The following NLGN1 variants were observed in gnomAD, a reference collection of about 807,000 sequenced individuals.
The protein encoded by NLGN1 is neuroligin 1.
In NLGN1, 12 loss-of-function variants were observed where a neutral mutation model predicts 65.5. The ratio of observed to expected loss-of-function variants is 0.18; its 90% confidence interval spans 0.12 to 0.30. NLGN1 has a LOEUF of 0.30. NLGN1 is among the 10% of genes least tolerant of loss of function. The probability of loss-of-function intolerance (pLI) is 1.00; values close to 1 mark genes in which losing one functional copy is unlikely to be tolerated. For synonymous variants in NLGN1, 350 were observed against 359.5 expected (o/e 0.97, Z 0.30); for missense variants, 750 against 1,007.1 (o/e 0.74, Z 3.46).
chr3:174,272,607 C>T (rs1749611099), intron 4 of NLGN1, among the ~76,000 whole-genome samples: 2 of 150,908 alleles, frequency 1.3e-5, no homozygotes, highest in African/African-American at 4.9e-5. Flanking sequence ...GCGTCGTCCT[C>T]TAAATTCACT....
At chr3:174,040,211 A>T (rs1731978662) in intron 4 of NLGN1, among the ~76,000 whole-genome samples, 1 of 152,016 alleles carries the variant, frequency 6.6e-6, no homozygotes, top group Non-Finnish European at 1.5e-5. Flanking sequence ...GGGGCTAAAG[A>T]AGGCTAAATG....
intron 4 of NLGN1, among the ~76,000 whole-genome samples, chr3:174,083,920 C>T (rs575542308): frequency 3.3e-5 from 5 of 152,180 alleles, no homozygotes; most frequent in South Asian, 2.1e-4. Context: ...AACAAAACCA[C>T]GACCACAACA....
At chr3:173,399,669 T>C (rs1717292356) in intron 1 of NLGN1, 1 of 152,214 alleles carries the variant, frequency 6.6e-6, no homozygotes, top group African/African-American at 2.4e-5. Context: ...CTGAAATTCT[T>C]ATATTTTATT....
At position 174,260,779 on chromosome 3, in the gene NLGN1, T is replaced by C. The variant is rs377388167; in HGVS notation, c.647-14536T>C. ...TTGCCCATGCTTATGTCCTGAATGG[T>C]AATGCCTAGGTTTTCTTCTAGGGTT... On this transcript the variant is annotated intron_variant, in intron 4 of 6. Coordinates refer to ENST00000457714, the Ensembl canonical transcript of NLGN1. 1.3e-4 allele frequency among the ~76,000 whole-genome samples: 20 copies of C among 151,078 alleles called. No homozygotes were observed. The East Asian group carries it at 3.8e-3, about 28-fold the overall frequency.
At chr3:173,876,002 A>G (rs1368982832) in intron 4 of NLGN1, among the ~76,000 whole-genome samples, 1 of 152,212 alleles carries the variant, frequency 6.6e-6, no homozygotes, top group Non-Finnish European at 1.5e-5. Context: ...GCCTCTCAAA[A>G]AAAAATCCCT....
chr3:174,110,434 G>A (rs1039725316), intron 4 of NLGN1, among the ~76,000 whole-genome samples: 11 of 151,894 alleles, frequency 7.2e-5, no homozygotes, highest in African/African-American at 2.2e-4. Flanking sequence ...GCCTGGATCC[G>A]ACATCCAGAA....
At chr3:173,500,513 C>G (rs1350803502) in intron 2 of NLGN1, among the ~76,000 whole-genome samples, 2 of 151,834 alleles carry the variant, frequency 1.3e-5, no homozygotes, top group Non-Finnish European at 2.9e-5. Flanking sequence ...CTAAAATTCT[C>G]TTTTTTTTGT....
At chr3:174,185,717 A>T (rs1731265203) in intron 4 of NLGN1, among the ~76,000 whole-genome samples, 1 of 152,076 alleles carries the variant, frequency 6.6e-6, no homozygotes, top group Non-Finnish European at 1.5e-5. Context: ...AAAGATAATT[A>T]TTGAAAGATG....
intron 2 of NLGN1, among the ~76,000 whole-genome samples, chr3:173,516,988 A>C (rs1405389029): frequency 6.6e-6 from 1 of 152,052 alleles, no homozygotes; most frequent in Non-Finnish European, 1.5e-5. Context: ...CTCTGTACTT[A>C]ATGTATTACC....
chr3:174,102,717 A>T (rs1404015504), intron 4 of NLGN1, among the ~76,000 whole-genome samples: 1 of 152,160 alleles, frequency 6.6e-6, no homozygotes, highest in Non-Finnish European at 1.5e-5. Flanking sequence ...TTGACAGCCC[A>T]TGAATTCTCT....
At chr3:174,157,364 T>C (rs1725631456) in intron 4 of NLGN1, among the ~76,000 whole-genome samples, 1 of 151,910 alleles carries the variant, frequency 6.6e-6, no homozygotes, top group Admixed American at 6.6e-5. Flanking sequence ...CAGTGTGGTA[T>C]ATTTTTATAT....
chr3:174,040,212 AG>A (rs1178862809), intron 4 of NLGN1, among the ~76,000 whole-genome samples: 1 of 152,058 alleles, frequency 6.6e-6, no homozygotes, highest in Non-Finnish European at 1.5e-5. Flanking sequence ...GGGCTAAAGA[AG>A]GCTAAATGCT....
intron 2 of NLGN1, among the ~76,000 whole-genome samples, chr3:173,582,609 A>G (rs749121088): frequency 1.3e-4 from 20 of 152,162 alleles, no homozygotes; most frequent in Non-Finnish European, 2.9e-4. Context: ...CTGTCAATCA[A>G]CTATTCATTT....
At chr3:173,562,032 G>A (rs556146261) in intron 2 of NLGN1, among the ~76,000 whole-genome samples, 1 of 152,210 alleles carries the variant, frequency 6.6e-6, no homozygotes, top group African/African-American at 2.4e-5. Flanking sequence ...GTTTTCGTTT[G>A]TTTGTTTTTT....
At chr3:173,828,614 T>C (rs1436353995) in intron 4 of NLGN1, among the ~76,000 whole-genome samples, 2 of 152,084 alleles carry the variant, frequency 1.3e-5, no homozygotes, top group Non-Finnish European at 2.9e-5. Context: ...TGTTTGATAG[T>C]GATAGATGCT....
At chr3:173,886,348 A>G (rs1009589432) in intron 4 of NLGN1, among the ~76,000 whole-genome samples, 1 of 152,120 alleles carries the variant, frequency 6.6e-6, no homozygotes, top group Non-Finnish European at 1.5e-5. Context: ...TTACTGTTAC[A>G]TGAACACTGC....
At chr3:173,942,052 T>C (rs1013872096) in intron 4 of NLGN1, among the ~76,000 whole-genome samples, 9 of 151,574 alleles carry the variant, frequency 5.9e-5, no homozygotes, top group African/African-American at 2.2e-4. Context: ...TGCTAAGTTC[T>C]TGTGTTTGGA....
chr3:174,166,854 C>T (rs891160754), intron 4 of NLGN1, among the ~76,000 whole-genome samples: 11 of 151,884 alleles, frequency 7.2e-5, no homozygotes, highest in South Asian at 2.1e-4. Flanking sequence ...TTTATGAATA[C>T]GGGTGCTCTA....
intron 4 of NLGN1, among the ~76,000 whole-genome samples, chr3:174,153,017 T>C (rs1724698862): frequency 6.6e-6 from 1 of 152,130 alleles, no homozygotes; most frequent in South Asian, 2.1e-4. Flanking sequence ...TTGCCTACCT[T>C]TCTGACTTTA....
Sources: allele counts gnomAD v4.1 joint callset (sites outside exome capture counted in the v4.1 genomes callset), GRCh38; gene constraint gnomAD v4.1.1; transcripts MANE v1.5; gene names NCBI Gene and HGNC (gene_info 2026-07-23, HGNC 2026-07-21).